Variants in BPNT1 observed in about 807,000 individuals in gnomAD.
BPNT1 encodes the protein 3'(2'), 5'-bisphosphate nucleotidase 1.
A neutral mutation model predicts 36.9 loss-of-function variants in BPNT1; 28 were observed. That is an observed-to-expected ratio of 0.76 (90% CI 0.56 to 1.04). The LOEUF (loss-of-function observed/expected upper bound fraction) is 1.04, where lower values mean the gene tolerates loss of function less well. Ranked by LOEUF, BPNT1 falls within the 50% of genes least tolerant of loss-of-function variation. The pLI is 0.00. For missense variants in BPNT1, 313 were observed against 372.9 expected, an observed-to-expected ratio of 0.84 and a Z score of 1.32; for synonymous variants, 119 against 130.9, an observed-to-expected ratio of 0.91 and a Z score of 0.62.
At chr1:220,065,250 G>C (rs752579146) in intron 6 of BPNT1, among the ~76,000 whole-genome samples, 12 of 152,230 alleles carry the variant, frequency 7.9e-5, no homozygotes, top group Non-Finnish European at 1.6e-4. Flanking sequence ...TGGGATCAAG[G>C]ACTCTGGTGT....
intron 2 of BPNT1, among the ~76,000 whole-genome samples, chr1:220,075,193 C>T (rs1276692327): frequency 6.6e-6 from 1 of 151,906 alleles, no homozygotes; most frequent in Non-Finnish European, 1.5e-5. Context: ...GCAGGTGTCC[C>T]CCACCATGCC....
chr1:220,072,760 C>CTA (rs1664181686), intron 4 of BPNT1, 90 bp downstream of exon 4: 3 of 1,081,436 alleles, frequency 2.8e-6, no homozygotes. Flanking sequence ...TTATAACTAC[C>CTA]AATTTTTCAT....
Position 220,083,102 on chromosome 1 carries a change from T to G in BPNT1, c.-8-3248A>C, listed in dbSNP as rs138806727. ...AAATACAAAAATTAGCCGGGCGTGG[T>G]GGCATGCACCTGTAATCCCAGCTAC... On this transcript the variant is annotated intron_variant, in intron 1 of 8. Coordinates refer to ENST00000322067, the MANE Select transcript of BPNT1 (RefSeq NM_006085.6). 2.8e-3 allele frequency among the ~76,000 whole-genome samples: 419 copies of G among 151,066 alleles called. 3 individuals carry two copies. The highest frequency in any genetic ancestry group is 9.7e-3 in the African/African-American group (401 of 41,292).
intron 1 of BPNT1, among the ~76,000 whole-genome samples, chr1:220,085,042 TA>T (rs1246394030): frequency 6.6e-6 from 1 of 151,904 alleles, no homozygotes; most frequent in Non-Finnish European, 1.5e-5. Context: ...AACTATTTTT[TA>T]AACAGATGAA....
chr1:220,069,539 T>C, intron 4 of BPNT1, 107 bp from the exon 5 acceptor site: 2 of 764,012 alleles, frequency 2.6e-6, no homozygotes, highest in Non-Finnish European at 4.1e-6. Context: ...TGAAATTGTA[T>C]TATGGATGGC....
chr1:220,082,128 T>A (rs1481196875), intron 1 of BPNT1, among the ~76,000 whole-genome samples: 1 of 145,952 alleles, frequency 6.9e-6, no homozygotes, highest in African/African-American at 2.5e-5. Flanking sequence ...AGAGTGTATA[T>A]ATATATAAAA....
At position 220,072,887 on chromosome 1, in the gene BPNT1, G is replaced by A; in HGVS notation, c.296C>T (p.Pro99Leu). 6.2e-7 allele frequency: 1 copy of A among 1,614,102 alleles called. No homozygotes were observed. ...DSQWEEILKQ[P>L]CPSQYSAIKE... ...AATAGCACTGTACTGCGATGGGCAT[G>A]GTTGCTTCAGTATTTCTTCCCACTG... The change falls in exon 4 of 9, where the codon CCA becomes CTA. Residue 99 changes from proline to leucine, a missense_variant. By Grantham distance (98) the Pro-to-Leu change is moderately conservative (BLOSUM62 -3). Coordinates refer to ENST00000322067, the MANE Select transcript of BPNT1 (RefSeq NM_006085.6).
intron 1 of BPNT1, among the ~76,000 whole-genome samples, chr1:220,085,856 T>G (rs1270184544): frequency 1.3e-5 from 2 of 152,250 alleles, no homozygotes; most frequent in Admixed American, 1.3e-4. Context: ...AAAGGGCTAG[T>G]TCAGAAGGAT....
intron 2 of BPNT1, among the ~76,000 whole-genome samples, chr1:220,076,195 T>C (rs541792950): frequency 5.2e-4 from 79 of 151,930 alleles, no homozygotes; most frequent in African/African-American, 1.9e-3. Context: ...GGAGAAACCC[T>C]GCCTCTACTA....
intron 1 of BPNT1, among the ~76,000 whole-genome samples, chr1:220,088,694 G>A (rs1465226159): frequency 2.0e-5 from 3 of 151,342 alleles, no homozygotes; most frequent in Non-Finnish European, 4.4e-5. Flanking sequence ...GGAGGCTGAG[G>A]TGGGAGAATC....
At chr1:220,089,030 G>A (rs1452547104) in intron 1 of BPNT1, among the ~76,000 whole-genome samples, 1 of 149,494 alleles carries the variant, frequency 6.7e-6, no homozygotes, top group East Asian at 2.0e-4. Flanking sequence ...GAACCTGGGA[G>A]GTGGAGCTTG....
At chr1:220,077,869 T>A (rs1664694926) in intron 2 of BPNT1, among the ~76,000 whole-genome samples, 1 of 152,044 alleles carries the variant, frequency 6.6e-6, no homozygotes, top group Non-Finnish European at 1.5e-5. Context: ...AAGGCTATAA[T>A]AAAGAAAGAT....
intron 1 of BPNT1, among the ~76,000 whole-genome samples, chr1:220,083,725 T>C (rs1454548683): frequency 6.6e-6 from 1 of 152,204 alleles, no homozygotes; most frequent in East Asian, 1.9e-4. Flanking sequence ...ATGTAAAATC[T>C]GTAGACAGGA....
At chr1:220,074,550 C>T (rs1410187490) in intron 2 of BPNT1, among the ~76,000 whole-genome samples, 5 of 151,474 alleles carry the variant, frequency 3.3e-5, no homozygotes, top group Non-Finnish European at 7.4e-5. Context: ...GGCTGGAGTA[C>T]GGTGGCACGA....
rs564741372 is a variant in BPNT1 at position 220,078,038 on chromosome 1, C to T, written c.120+1689G>A. ...CAAAATAAAAACATTAGCTAGGTGT[C>T]GTGGCGCTTGCCTGTAGTCCTAACT... is the stretch of plus-strand genomic sequence containing the variant. On this transcript the variant is annotated intron_variant, in intron 2 of 8. Transcript: ENST00000322067. 9.2e-5 allele frequency among the ~76,000 whole-genome samples: 14 copies of T among 151,590 alleles called. No individual in the cohort carries two copies. The South Asian group carries it at 2.7e-3, about 29-fold the overall frequency.
chr1:220,057,694 C>T lies in BPNT1; in HGVS notation c.*1150G>A, dbSNP rs1662651526. 1 of 444,778 alleles carries T rather than the reference C, an allele frequency of 2.2e-6. No homozygotes were observed. The highest frequency in any genetic ancestry group is 2.0e-5 in the South Asian group (1 of 50,504). 27.6% of individuals were successfully genotyped at this position (444,778 alleles called of 1,614,324 possible). A position where few individuals can be genotyped will look rare whatever the true frequency, so the allele number is the denominator to read the frequency against. Reference sequence around the variant, plus strand: ...AAGTCGAGAATGTATAATTTTCAAACACTTTTTTAAAAAGCTGGTGAATAA... The same window carrying T: ...AAGTCGAGAATGTATAATTTTCAAATACTTTTTTAAAAAGCTGGTGAATAA... On this transcript the variant is annotated 3_prime_UTR_variant, in exon 9 of 9. Coordinates refer to ENST00000322067, the MANE Select transcript of BPNT1 (RefSeq NM_006085.6).
chr1:220,086,637 G>A (rs1462357009), intron 1 of BPNT1, among the ~76,000 whole-genome samples: 10 of 150,318 alleles, frequency 6.7e-5, no homozygotes, highest in Admixed American at 4.6e-4. Context: ...GTGCAGTGGC[G>A]AGATCACGGC....
intron 2 of BPNT1, 135 bp from the exon 3 acceptor site, chr1:220,074,206 T>C: frequency 1.4e-6 from 1 of 701,588 alleles, no homozygotes; most frequent in Non-Finnish European, 2.3e-6. Context: ...CCAAATGAGT[T>C]AACTGGTTTC....
At chr1:220,080,496 G>A (rs1462136911) in intron 1 of BPNT1, among the ~76,000 whole-genome samples, 1 of 152,182 alleles carries the variant, frequency 6.6e-6, no homozygotes, top group African/African-American at 2.4e-5. Context: ...CAGCATGGGT[G>A]GGGAGGCCTA....
Sources: gnomAD v4.1 joint callset for allele counts (sites outside exome capture counted in the v4.1 genomes callset) on GRCh38, gnomAD v4.1.1 for gene constraint, MANE v1.5 for transcripts, NCBI Gene and HGNC (gene_info 2026-07-23, HGNC 2026-07-21) for gene names.